FKBP8: variants seen among roughly 807,000 people sequenced by gnomAD.
FKBP8 encodes the protein FKBP prolyl isomerase 8, also known as peptidyl-prolyl cis-trans isomerase FKBP8.
Under a neutral mutation model 41.7 loss-of-function variants are expected in FKBP8, and 5 were observed. The observed-to-expected ratio is 0.12, with a 90% CI of 0.06 to 0.25. FKBP8 has a LOEUF of 0.25. FKBP8 is among the 10% of genes least tolerant of loss of function. FKBP8 has a pLI of 1.00. For missense variants in FKBP8, 397 were observed against 563.0 expected (o/e 0.71, Z 2.98); for synonymous variants, 279 against 254.5 (o/e 1.10, Z -0.92).
Position 18,539,351 on chromosome 19 carries a change from T to C in FKBP8, c.551+20A>G. The C allele has an allele frequency of 6.2e-7, 1 of 1,605,904 alleles. No homozygotes were observed. Among genetic ancestry groups the C allele is most frequent in the Non-Finnish European group, 8.5e-7 (1 of 1,175,496 alleles). On this transcript the variant is annotated intron_variant, in intron 4 of 8. Coordinates refer to ENST00000608443, the MANE Select transcript of FKBP8 (RefSeq NM_012181.5). ...CCCCCTCCTGAGACCTGCAGAGACCTAAGGGTGGCTGACTCTCACCTGCCT... is the reference window on the plus strand; with the variant it reads ...CCCCCTCCTGAGACCTGCAGAGACCCAAGGGTGGCTGACTCTCACCTGCCT...
Position 18,538,477 on chromosome 19 carries a change from G to T in FKBP8, c.552-41C>A, listed in dbSNP as rs1353799351. 1.9e-6 allele frequency: 3 copies of T among 1,563,016 alleles called. No individual in the cohort carries two copies. Among genetic ancestry groups the T allele is most frequent in the East Asian group, 4.5e-5 (2 of 44,012 alleles). On this transcript the variant is annotated intron_variant, in intron 4 of 8. Transcript: ENST00000608443. The surrounding 1 kb of genome is among the most constrained non-coding windows in gnomAD (Gnocchi z 4.0). Reference sequence around the variant, plus strand: ...CAGGCAGGGGCAGCACTCAGACCTGGTGACCCCTAAACCCGCTGGGCTGGC... The same window carrying T: ...CAGGCAGGGGCAGCACTCAGACCTGTTGACCCCTAAACCCGCTGGGCTGGC...
chr19:18,541,707 CGGGGCT>C lies in FKBP8; in HGVS notation c.258_263del (p.Ala89_Pro90del). On this transcript the variant is annotated inframe_deletion, in exon 2 of 9. Coordinates refer to ENST00000608443, the MANE Select transcript of FKBP8 (RefSeq NM_012181.5). ...GAATGTCCAGCCACTCTTCTGGGGC[CGGGGCT>C]GGGGCGGGCTCGGGCTCCATGGCAG... 1.2e-6 allele frequency: 2 copies of C among 1,611,316 alleles called. No homozygotes were observed. The highest frequency in any genetic ancestry group is 1.7e-6 in the Non-Finnish European group (2 of 1,178,236).
intron 7 of FKBP8, 137 bp downstream of exon 7, chr19:18,533,133 A>G: frequency 2.4e-6 from 2 of 821,196 alleles, no homozygotes; most frequent in South Asian, 3.8e-5. Flanking sequence ...CAAGCTGACC[A>G]GGACCCTTCA....
Position 18,541,962 on chromosome 19 carries a change from C to A in FKBP8, c.9G>T (p.Ser3=). ...CAGAGGGCTCAGAGGGTTCAGCACA[C>A]GATGCCATGCTGCTGGGGGGACAGG... MA[S]CAEPSEPSAP... is the part of the protein sequence containing the mutation. Residue 3 remains serine (S), a synonymous_variant, in exon 2 of 9, where the codon TCG becomes TCT. Coordinates refer to ENST00000608443, the MANE Select transcript of FKBP8 (RefSeq NM_012181.5). The A allele has an allele frequency of 6.2e-7, 1 of 1,613,136 alleles. No homozygotes were observed. Among genetic ancestry groups the A allele is most frequent in the East Asian group, 2.2e-5 (1 of 44,846 alleles).
rs897541952 is a variant in FKBP8 at position 18,538,512 on chromosome 19, G to T, written c.552-76C>A. On this transcript the variant is annotated intron_variant, in intron 4 of 8. Coordinates refer to ENST00000608443, the MANE Select transcript of FKBP8 (RefSeq NM_012181.5). The surrounding 1 kb of genome is among the most constrained non-coding windows in gnomAD (Gnocchi z 4.0). The stretch of plus-strand genomic sequence containing the variant: ...AACCCGCTGGGCTGGCTAGGAAGGA[G>T]TGAGCTTGGCTCAAGCCCCCGATCT... The T allele has an allele frequency of 1.2e-5, 16 of 1,297,044 alleles. No individual in the cohort carries two copies. Among genetic ancestry groups the T allele is most frequent in the Middle Eastern group, 2.6e-4 (1 of 3,808 alleles). The allele number at this position is 1,297,044 out of a possible 1,614,324, so 80.3% of individuals were successfully genotyped here.
At position 18,539,403 on chromosome 19, in the gene FKBP8, A is replaced by G. The variant is rs1323505517; in HGVS notation, c.519T>C (p.Ala173=). The G allele has an allele frequency of 8.7e-6, 14 of 1,613,454 alleles. No individual in the cohort carries two copies. The Middle Eastern group carries it at 7.0e-4, about 80-fold the overall frequency. The part of the protein sequence containing the change: ...MDVGETAMVT[A]DSKYCYGPQG... ...GGGGGCCGTAGCAGTACTTGGAGTCAGCAGTGACCATGGCCGTCTCCCCCA... is the reference window on the plus strand; with the variant it reads ...GGGGGCCGTAGCAGTACTTGGAGTCGGCAGTGACCATGGCCGTCTCCCCCA... Residue 173 remains alanine (A), a synonymous_variant, in exon 4 of 9, where the codon GCT becomes GCC. Coordinates refer to ENST00000608443, the MANE Select transcript of FKBP8 (RefSeq NM_012181.5).
rs1281343150 is a variant in FKBP8 at position 18,532,247 on chromosome 19, T to C, written c.1164A>G (p.Pro388=). The C allele has an allele frequency of 3.7e-6, 6 of 1,605,862 alleles. No homozygotes were observed. The highest frequency in any genetic ancestry group is 5.1e-6 in the Non-Finnish European group (6 of 1,176,866). The change falls in exon 9 of 9, where the codon CCA becomes CCG. Residue 388 remains proline, a synonymous_variant. Transcript: ENST00000608443. ...KCPGKGAWSI[P]WKWLFGATAV... ...CAGTCGCCCCAAACAGCCACTTCCA[T>C]GGGATGGACTGTGGATAAAAAGGAG...
intron 6 of FKBP8, among the ~76,000 whole-genome samples, chr19:18,535,387 G>A (rs1160102511): frequency 6.6e-6 from 1 of 152,122 alleles, no homozygotes; most frequent in African/African-American, 2.4e-5. Flanking sequence ...TTTGGCCATA[G>A]TGAATGATTC....
chr19:18,539,837 C>T (rs1366023952), intron 2 of FKBP8, 117 bp from the exon 3 acceptor site: 2 of 1,262,680 alleles, frequency 1.6e-6, no homozygotes, highest in Admixed American at 2.0e-5. Context: ...GGGGGCTGGC[C>T]CAACACTGGG....
intron 6 of FKBP8, among the ~76,000 whole-genome samples, chr19:18,535,295 A>T (rs1037548874): frequency 7.2e-5 from 11 of 152,194 alleles, no homozygotes; most frequent in African/African-American, 2.2e-4. Flanking sequence ...TCCTGGGCTC[A>T]AATGATCCTC....
At chr19:18,542,993 AC>A in intron 1 of FKBP8, 1 of 521,604 alleles carries the variant, frequency 1.9e-6, no homozygotes, top group Non-Finnish European at 2.5e-6. Context: ...CCCACCCCCC[AC>A]CCCAACCACC....
At position 18,534,324 on chromosome 19, in the gene FKBP8, C is replaced by A. The variant is rs372366694; in HGVS notation, c.946-977G>T. On this transcript the variant is annotated intron_variant, in intron 6 of 8. Transcript: ENST00000608443. ...TCCGTCTCAAAAACAAACAAACAAA[C>A]AAAAAAAACAGCCAGGCTCCTGGCT... 3.7e-4 allele frequency among the ~76,000 whole-genome samples: 56 copies of A among 151,852 alleles called. No individual in the cohort carries two copies. In the South Asian group the frequency reaches 4.4e-3, roughly 12 times the overall value.
rs577833620 is a variant in FKBP8, at chr19:18,538,003, T to C, written c.772+213A>G. The stretch of plus-strand genomic sequence containing the variant: ...ACTGGCCCTGTCTATGGTCACCCCA[T>C]CCCCATATCCACTTGCATTCTACAA... On this transcript the variant is annotated intron_variant, in intron 5 of 8. Coordinates refer to ENST00000608443, the MANE Select transcript of FKBP8 (RefSeq NM_012181.5). The surrounding 1 kb of genome is among the most constrained non-coding windows in gnomAD (Gnocchi z 4.0). 2 of 671,758 alleles carry C rather than the reference T, an allele frequency of 3.0e-6. No homozygotes were observed. The highest frequency in any genetic ancestry group is 2.9e-5 in the Admixed American group (1 of 33,914). 41.6% of individuals were successfully genotyped at this position (671,758 alleles called of 1,614,324 possible).
chr19:18,538,211 G>T lies in FKBP8; in HGVS notation c.772+5C>A. On this transcript the variant is annotated splice_donor_5th_base_variant and intron_variant, in intron 5 of 8. Coordinates refer to ENST00000608443, the MANE Select transcript of FKBP8 (RefSeq NM_012181.5). This position sits in a 1 kb window ranked among gnomAD's most constrained non-coding sequence, Gnocchi z 4.0. ...AGATGGTGGAGATCTGACCCAGGCG[G>T]TCACCTTTGGCGCTGGAGGTGATAG... The T allele has an allele frequency of 6.3e-7, 1 of 1,598,514 alleles. No homozygotes were observed. Among genetic ancestry groups the T allele is most frequent in the Non-Finnish European group, 8.6e-7 (1 of 1,168,746 alleles).
intron 1 of FKBP8, 102 bp from the exon 2 acceptor site, chr19:18,542,097 A>C: frequency 1.4e-6 from 2 of 1,455,216 alleles, no homozygotes; most frequent in Non-Finnish European, 1.8e-6. Flanking sequence ...TGTGTAACTC[A>C]AGGGCTCCAG....
Position 18,537,201 on chromosome 19 carries a change from G to A in FKBP8, c.945+400C>T, listed in dbSNP as rs1409460561. ...AAAAATACAAAAATTAACTGGGTGTGGTGGCTCGCACCTGTAGTCCCAGCT... is the reference window on the plus strand; with the variant it reads ...AAAAATACAAAAATTAACTGGGTGTAGTGGCTCGCACCTGTAGTCCCAGCT... On this transcript the variant is annotated intron_variant, in intron 6 of 8. Coordinates refer to ENST00000608443, the MANE Select transcript of FKBP8 (RefSeq NM_012181.5). The surrounding 1 kb of genome is among the most constrained non-coding windows in gnomAD (Gnocchi z 4.4). Among the ~76,000 whole-genome samples, 1 of 152,152 alleles carries A rather than the reference G, an allele frequency of 6.6e-6. No individual in the cohort carries two copies. The highest frequency in any genetic ancestry group is 1.5e-5 in the Non-Finnish European group (1 of 68,034).
chr19:18,533,231 C>A, intron 7 of FKBP8, 39 bp downstream of exon 7: 1 of 1,520,346 alleles, frequency 6.6e-7, no homozygotes, highest in East Asian at 2.4e-5. Context: ...GAGGGACTTC[C>A]CAGCCGAGCA....
intron 2 of FKBP8, among the ~76,000 whole-genome samples, chr19:18,540,130 A>G (rs777952824): frequency 6.6e-6 from 1 of 152,134 alleles, no homozygotes; most frequent in Non-Finnish European, 1.5e-5. Context: ...ACCCTCCTCA[A>G]AAAGAAAGAA....
intron 1 of FKBP8, chr19:18,542,782 G>C: frequency 1.5e-6 from 1 of 678,778 alleles, no homozygotes. Context: ...CCTTGCCCCA[G>C]ACCTCCTGAA....
Sources: gnomAD v4.1 joint callset for allele counts (sites outside exome capture counted in the v4.1 genomes callset) on GRCh38, gnomAD v4.1.1 for gene constraint, Gnocchi (gnomAD v3.1) non-coding constraint, MANE v1.5 for transcripts, NCBI Gene and HGNC (gene_info 2026-07-23, HGNC 2026-07-21) for gene names.